SLC35F3: variants seen among roughly 807,000 people sequenced by gnomAD.
SLC35F3 encodes the protein putative thiamine transporter SLC35F3.
Under a neutral mutation model 49.9 loss-of-function variants are expected in SLC35F3, and 25 were observed. The ratio of observed to expected loss-of-function variants is 0.50; its 90% CI spans 0.37 to 0.70. The LOEUF is 0.70. SLC35F3 is among the 30% of genes least tolerant of loss of function. SLC35F3 has a pLI of 0.00. For synonymous variants in SLC35F3, 275 were observed against 265.4 expected (o/e 1.04, Z -0.35); for missense variants, 525 against 639.8 (o/e 0.82, Z 1.94).
intron 3 of SLC35F3, among the ~76,000 whole-genome samples, chr1:234,289,881 T>C (rs982802517): frequency 2.0e-5 from 3 of 152,142 alleles, no homozygotes; most frequent in African/African-American, 7.2e-5. Context: ...AAAGAGAAAG[T>C]TAGCAAACAA....
intron 5 of SLC35F3, among the ~76,000 whole-genome samples, chr1:234,318,351 T>C (rs543969740): frequency 1.3e-5 from 2 of 152,226 alleles, no homozygotes; most frequent in South Asian, 4.1e-4. Context: ...AACGTATCTT[T>C]GCAGCCAGAG....
At position 233,990,618 on chromosome 1, in the gene SLC35F3, G is replaced by A. The variant is rs548583909; in HGVS notation, c.283+84860G>A. Among the ~76,000 whole-genome samples the A allele has an allele frequency of 9.0e-4, 137 of 152,118 alleles. 2 individuals carry two copies. Among genetic ancestry groups the A allele is most frequent in the African/African-American group, 3.2e-3 (131 of 41,486 alleles). On this transcript the variant is annotated intron_variant, in intron 2 of 7. Coordinates refer to ENST00000366618, the MANE Select transcript of SLC35F3 (RefSeq NM_173508.4). ...AAGGGAGTAGATCTTAGGTATTCTC[G>A]CCATACACACACACACAAAGGTAAC...
At chr1:234,076,464 A>AT (rs113403039) in intron 2 of SLC35F3, among the ~76,000 whole-genome samples, 20,220 of 144,624 alleles carry the variant, frequency 0.14, 2,083 homozygotes, top group East Asian at 0.47. Flanking sequence ...CATCATAATA[A>AT]TTTTTTTTTT....
intron 2 of SLC35F3, among the ~76,000 whole-genome samples, chr1:233,992,119 G>C (rs939775045): frequency 2.0e-5 from 3 of 152,118 alleles, no homozygotes; most frequent in African/African-American, 4.8e-5. Flanking sequence ...AGACGGCCGT[G>C]GTGCTCTCTG....
chr1:234,155,741 T>C (rs566705777), intron 2 of SLC35F3, among the ~76,000 whole-genome samples: 25 of 149,898 alleles, frequency 1.7e-4, no homozygotes, highest in African/African-American at 5.9e-4. Flanking sequence ...GATGGATTAT[T>C]CAAAGATAGG....
At chr1:234,128,325 A>G (rs747166051) in intron 2 of SLC35F3, among the ~76,000 whole-genome samples, 6 of 152,200 alleles carry the variant, frequency 3.9e-5, no homozygotes, top group Non-Finnish European at 5.9e-5. Flanking sequence ...CACCTGGCGA[A>G]GGACAATAGA....
intron 2 of SLC35F3, among the ~76,000 whole-genome samples, chr1:233,930,954 GA>G (rs1439077528): frequency 1.3e-5 from 2 of 152,114 alleles, no homozygotes; most frequent in Non-Finnish European, 2.9e-5. Flanking sequence ...TAGACCAATG[GA>G]ACAGAACAGA....
intron 2 of SLC35F3, among the ~76,000 whole-genome samples, chr1:234,195,380 T>G (rs1486777802): frequency 6.6e-6 from 1 of 152,186 alleles, no homozygotes; most frequent in Non-Finnish European, 1.5e-5. Flanking sequence ...TTGACTTTAT[T>G]CAGGCTTATT....
intron 2 of SLC35F3, among the ~76,000 whole-genome samples, chr1:234,221,308 T>A (rs1278298019): frequency 1.3e-5 from 2 of 152,120 alleles, no homozygotes; most frequent in African/African-American, 4.8e-5. Flanking sequence ...CCAGGCTGAT[T>A]CCAGGGCAGG....
chr1:234,157,898 CT>C (rs1328109467), intron 2 of SLC35F3, among the ~76,000 whole-genome samples: 2 of 151,962 alleles, frequency 1.3e-5, no homozygotes, highest in Non-Finnish European at 2.9e-5. Context: ...ACTTTTTTTT[CT>C]TTTGGTACAT....
chr1:234,250,793 CAAG>C (rs1311269336), intron 3 of SLC35F3, among the ~76,000 whole-genome samples: 2 of 151,842 alleles, frequency 1.3e-5, no homozygotes, highest in African/African-American at 4.8e-5. Context: ...GATTATATGA[CAAG>C]AAGCAAAAAG....
chr1:234,207,221 G>A (rs886276689), intron 2 of SLC35F3, among the ~76,000 whole-genome samples: 2 of 151,742 alleles, frequency 1.3e-5, no homozygotes, highest in Non-Finnish European at 2.9e-5. Flanking sequence ...TCAAGCCAGG[G>A]AGAGAGATAC....
intron 2 of SLC35F3, among the ~76,000 whole-genome samples, chr1:233,922,258 A>G (rs1662075109): frequency 6.6e-6 from 1 of 152,188 alleles, no homozygotes; most frequent in African/African-American, 2.4e-5. Flanking sequence ...AGTCCCACCA[A>G]CAGTGTAAAA....
intron 3 of SLC35F3, among the ~76,000 whole-genome samples, chr1:234,300,677 A>C (rs1668678907): frequency 6.6e-6 from 1 of 152,248 alleles, no homozygotes; most frequent in Admixed American, 6.5e-5. Flanking sequence ...GGAACACTTC[A>C]CTGAAGGGGA....
chr1:234,053,160 G>A (rs1011743238), intron 2 of SLC35F3, among the ~76,000 whole-genome samples: 7 of 152,134 alleles, frequency 4.6e-5, no homozygotes, highest in African/African-American at 1.7e-4. Context: ...AGGTCCTCTT[G>A]GTGCAGAGCT....
At chr1:234,082,474 A>G (rs1271471018) in intron 2 of SLC35F3, among the ~76,000 whole-genome samples, 1 of 152,122 alleles carries the variant, frequency 6.6e-6, no homozygotes, top group African/African-American at 2.4e-5. Flanking sequence ...GCTTGTTTTC[A>G]TTCCCAAAGT....
intron 2 of SLC35F3, among the ~76,000 whole-genome samples, chr1:234,014,347 T>C (rs1237768372): frequency 6.6e-6 from 1 of 152,148 alleles, no homozygotes; most frequent in Non-Finnish European, 1.5e-5. Context: ...TTTAGCACAA[T>C]AGAGGCCGTA....
In SLC35F3 at chr1:234,043,071, A is replaced by G. The variant is rs112238022; in HGVS notation, c.283+137313A>G. ...ACCACCATCTAGTTGTATTAAATGC[A>G]AATATTTTGTTGTACGTTGCTTCCG... On this transcript the variant is annotated intron_variant, in intron 2 of 7. Transcript: ENST00000366618. Among the ~76,000 whole-genome samples, 257 of 152,328 alleles carry G rather than the reference A, an allele frequency of 1.7e-3. 1 individual carries two copies. Among genetic ancestry groups the G allele is most frequent in the Middle Eastern group, 6.8e-3 (2 of 294 alleles).
intron 3 of SLC35F3, among the ~76,000 whole-genome samples, chr1:234,235,476 G>A (rs1667450330): frequency 6.6e-6 from 1 of 152,220 alleles, no homozygotes; most frequent in South Asian, 2.1e-4. Flanking sequence ...GAGCACATGT[G>A]TGATGACACA....
Sources: allele counts gnomAD v4.1 joint callset (sites outside exome capture counted in the v4.1 genomes callset), GRCh38; gene constraint gnomAD v4.1.1; transcripts MANE v1.5; gene names NCBI Gene and HGNC (gene_info 2026-07-23, HGNC 2026-07-21).